The following SQSTM1 variants were observed in gnomAD, a reference collection of about 807,000 sequenced individuals.
The protein encoded by SQSTM1 is sequestosome-1.
A neutral mutation model predicts 45.1 loss-of-function variants in SQSTM1; 36 were observed. That is an observed-to-expected ratio of 0.80 (90% CI 0.61 to 1.05). The LOEUF (loss-of-function observed/expected upper bound fraction) is 1.05, where lower values mean the gene tolerates loss of function less well. Among genes scored for constraint, SQSTM1 ranks in the 50% least tolerant of loss-of-function variants. SQSTM1 has a pLI of 0.00. For synonymous variants in SQSTM1, 290 were observed against 244.3 expected (o/e 1.19, Z -1.74); for missense variants, 617 against 607.1 (o/e 1.02, Z -0.17).
At chr5:179,807,616 CTTCA>C (rs1232596160) in intron 1 of SQSTM1, 1 of 152,534 alleles carries the variant, frequency 6.6e-6, no homozygotes, top group Non-Finnish European at 1.5e-5. Flanking sequence ...GGGCCCACGC[CTTCA>C]TTGTTTTTTT....
At chr5:179,818,215 T>C (rs11747918), upstream of SQSTM1, among the ~76,000 whole-genome samples, 119,408 of 151,690 alleles carry the variant, frequency 0.79, 47,746 homozygotes, top group Non-Finnish European at 0.86. Flanking sequence ...ATTAGGAAGA[T>C]GGCAAGGGAG....
intron 4 of SQSTM1, among the ~76,000 whole-genome samples, chr5:179,824,944 G>A (rs1238777888): frequency 6.6e-6 from 1 of 151,940 alleles, no homozygotes; most frequent in Admixed American, 6.6e-5. Flanking sequence ...AGATGGCACG[G>A]GAGAGTGGAG....
chr5:179,825,128 T>C lies in SQSTM1; in HGVS notation c.674-18T>C. ...AGGCATTAAAGATATCTTTATCTTA[T>C]CTTTGTAAAAATCAAAGCTTCTGGT... On this transcript the variant is annotated intron_variant, in intron 4 of 7. Coordinates refer to ENST00000389805, the MANE Select transcript of SQSTM1 (RefSeq NM_003900.5). The C allele has an allele frequency of 1.9e-6, 3 of 1,612,858 alleles. No homozygotes were observed. The highest frequency in any genetic ancestry group is 4.5e-5 in the East Asian group (2 of 44,880).
intron 5 of SQSTM1, among the ~76,000 whole-genome samples, chr5:179,830,617 G>A (rs1019652154): frequency 2.6e-5 from 4 of 151,500 alleles, no homozygotes; most frequent in South Asian, 2.1e-4. Flanking sequence ...GGAGTGCAGC[G>A]GCGTGATCTC....
chr5:179,812,046 C>A (rs546775309), intron 2 of SQSTM1: 1 of 152,146 alleles, frequency 6.6e-6, no homozygotes, highest in African/African-American at 2.4e-5. Flanking sequence ...CTTCATGATC[C>A]GCCCGCCTCG....
chr5:179,811,292 G>C (rs1174592678), intron 1 of SQSTM1, among the ~76,000 whole-genome samples: 1 of 150,512 alleles, frequency 6.6e-6, no homozygotes, highest in Non-Finnish European at 1.5e-5. Context: ...GAAGAACTGG[G>C]TAGAGCCACA....
intron 7 of SQSTM1, 95 bp from the exon 8 acceptor site, chr5:179,836,341 C>T: frequency 6.4e-7 from 1 of 1,563,584 alleles, no homozygotes; most frequent in Non-Finnish European, 8.8e-7. Context: ...CACTGGCAGA[C>T]CCTGGTCCTG....
In SQSTM1 at chr5:179,836,620, C is replaced by G; in HGVS notation, c.*27C>G. 1 of 1,611,558 alleles carries G rather than the reference C, an allele frequency of 6.2e-7. No homozygotes were observed. Reference sequence around the variant, plus strand: ...CACTTTTGCCCACCTCTTCTGCGTGCCCCTCTTCTGTCTCATAGTTGTGTT... The same window carrying G: ...CACTTTTGCCCACCTCTTCTGCGTGGCCCTCTTCTGTCTCATAGTTGTGTT... On this transcript the variant is annotated 3_prime_UTR_variant, in exon 8 of 8. Coordinates refer to ENST00000389805, the MANE Select transcript of SQSTM1 (RefSeq NM_003900.5).
At chr5:179,820,883 C>T (rs1477005521), upstream of SQSTM1, 5 of 1,418,610 alleles carry the variant, frequency 3.5e-6, no homozygotes, top group East Asian at 6.0e-5. Flanking sequence ...GCTACAAAAG[C>T]CGCGCGGCGG....
In SQSTM1 at chr5:179,806,686, GC is replaced by G; in HGVS notation, c.-157+99del. On this transcript the variant is annotated intron_variant, in intron 1 of 5. Coordinates refer to the SQSTM1 transcript ENST00000514093. The surrounding 1 kb of genome is among the most constrained non-coding windows in gnomAD (Gnocchi z 4.6). ...GAAGGCGGCGGCGGCGGCGGCAGGG[GC>G]CCCGGCCCCGGGTCGGGGAGGGGCG... is the stretch of plus-strand genomic sequence containing the variant. 1 of 303,818 alleles carries G rather than the reference GC, an allele frequency of 3.3e-6. No homozygotes were observed. Among genetic ancestry groups the G allele is most frequent in the Non-Finnish European group, 4.7e-6 (1 of 211,400 alleles). The allele number at this position is 303,818 out of a possible 1,614,324, so 18.8% of individuals were successfully genotyped here.
At position 179,824,261 on chromosome 5, in the gene SQSTM1, G is replaced by A; in HGVS notation, c.611G>A (p.Gly204Glu). The change falls in exon 4 of 8, where the codon GGA (glycine) becomes GAA (glutamate). Residue 204 changes from glycine (G) to glutamate (E), a missense_variant. Physicochemically the swap from Gly to Glu is moderately conservative, Grantham distance 98. Coordinates refer to ENST00000389805, the MANE Select transcript of SQSTM1 (RefSeq NM_003900.5). ...GWPGWEMGPPGNWSPRPPRAG... is the reference protein window; with the variant it reads ...GWPGWEMGPPENWSPRPPRAG... Reference sequence around the variant, plus strand: ...CCAGGATGGGAAATGGGTCCACCAGGAAACTGGAGCCCACGTCCTCCTCGT... The same window carrying A: ...CCAGGATGGGAAATGGGTCCACCAGAAAACTGGAGCCCACGTCCTCCTCGT... 6.2e-7 allele frequency: 1 copy of A among 1,613,858 alleles called. No homozygotes were observed. The highest frequency in any genetic ancestry group is 8.5e-7 in the Non-Finnish European group (1 of 1,180,044).
chr5:179,826,536 A>G (rs2113494328), intron 5 of SQSTM1, among the ~76,000 whole-genome samples: 1 of 151,390 alleles, frequency 6.6e-6, no homozygotes, highest in South Asian at 2.1e-4. Context: ...CCAAACACGC[A>G]TGGCTTCTGT....
rs771966860 is a variant in SQSTM1, at chr5:179,836,480, A to G, written c.1210A>G (p.Met404Val). Reference protein sequence around the residue: ...LIESLSQMLSMGFSDEGGWLT... With the variant: ...LIESLSQMLSVGFSDEGGWLT... The stretch of plus-strand genomic sequence containing the variant: ...TGAGTCCCTCTCCCAGATGCTGTCC[A>G]TGGGCTTCTCTGATGAAGGCGGCTG... Residue 404 changes from methionine to valine, a missense_variant, in exon 8 of 8, where the codon ATG becomes GTG. By Grantham distance (21) the Met-to-Val change is conservative. Transcript: ENST00000389805. The G allele has an allele frequency of 2.9e-5, 47 of 1,614,036 alleles. No individual in the cohort carries two copies. Among genetic ancestry groups the G allele is most frequent in the Non-Finnish European group, 3.9e-5 (46 of 1,180,034 alleles).
At chr5:179,823,212 T>C (rs1175785023) in intron 2 of SQSTM1, among the ~76,000 whole-genome samples, 159 bp downstream of exon 2, 1 of 151,990 alleles carries the variant, frequency 6.6e-6, no homozygotes, top group Non-Finnish European at 1.5e-5. Context: ...ACGCCTGTAA[T>C]TCCAGCACTT....
intron 5 of SQSTM1, among the ~76,000 whole-genome samples, chr5:179,828,566 G>T (rs1339474066): frequency 6.6e-6 from 1 of 151,818 alleles, no homozygotes; most frequent in African/African-American, 2.4e-5. Flanking sequence ...TAGAGACGAG[G>T]TTTCTCTGTG....
intron 5 of SQSTM1, among the ~76,000 whole-genome samples, chr5:179,832,145 A>G (rs964644619): frequency 1.2e-4 from 18 of 152,120 alleles, no homozygotes; most frequent in African/African-American, 4.3e-4. Flanking sequence ...AGAGGCAGGT[A>G]CTGGTCCAGA....
chr5:179,812,086 G>C (rs1407975471), intron 2 of SQSTM1: 2 of 152,266 alleles, frequency 1.3e-5, no homozygotes, highest in African/African-American at 2.4e-5. Context: ...TTACAGGCGT[G>C]AGCCACCGCG....
rs1222073912 is a variant in SQSTM1, at chr5:179,836,688, C to T, written c.*95C>T. On this transcript the variant is annotated 3_prime_UTR_variant, in exon 8 of 8. Coordinates refer to ENST00000389805, the MANE Select transcript of SQSTM1 (RefSeq NM_003900.5). ...CAGGTCTCTGTACGGGCCAGTTTCT[C>T]TGCCTTCTTCCAGGATCAGGGGTTA... is the stretch of plus-strand genomic sequence containing the variant. The T allele has an allele frequency of 2.5e-6, 4 of 1,581,814 alleles. No individual in the cohort carries two copies. The highest frequency in any genetic ancestry group is 3.5e-6 in the Non-Finnish European group (4 of 1,151,710).
intron 5 of SQSTM1, 141 bp downstream of exon 5, chr5:179,825,367 A>G: frequency 1.3e-6 from 1 of 777,654 alleles, no homozygotes; most frequent in South Asian, 1.4e-5. Flanking sequence ...AACCTTTAGT[A>G]GTGCTGGACC....
Sources: allele counts gnomAD v4.1 joint callset (sites outside exome capture counted in the v4.1 genomes callset), GRCh38; gene constraint gnomAD v4.1.1; non-coding constraint Gnocchi (gnomAD v3.1); transcripts MANE v1.5; gene names NCBI Gene and HGNC (gene_info 2026-07-23, HGNC 2026-07-21).